Variants in EML6 observed in about 807,000 individuals in gnomAD.
EML6 encodes the protein echinoderm microtubule-associated protein-like 6.
Under a neutral mutation model 240.1 loss-of-function variants are expected in EML6, and 154 were observed. That is an observed-to-expected ratio of 0.64 (90% confidence interval 0.56 to 0.73). The LOEUF is 0.73. EML6 is among the 30% of genes least tolerant of loss of function. EML6 has a pLI of 0.00. For missense variants in EML6, 2,964 were observed against 2,474.6 expected (o/e 1.20, Z -4.20); for synonymous variants, 1,148 against 899.0 (o/e 1.28, Z -4.95).
chr2:54,809,885 C>T (rs1174742340), intron 2 of EML6, among the ~76,000 whole-genome samples: 1 of 152,106 alleles, frequency 6.6e-6, no homozygotes, highest in Middle Eastern at 3.2e-3. Flanking sequence ...ACATGGATGC[C>T]ATTTGGCTGT....
chr2:54,910,807 A>T, intron 24 of EML6, 147 bp from the exon 25 acceptor site: 1 of 539,506 alleles, frequency 1.9e-6, no homozygotes. Context: ...TTGGCTGTAC[A>T]TGCCCTTCTG....
intron 2 of EML6, among the ~76,000 whole-genome samples, chr2:54,750,979 G>A (rs1175721634): frequency 1.3e-5 from 2 of 152,118 alleles, no homozygotes; most frequent in African/African-American, 4.8e-5. Context: ...AAGAAATGTT[G>A]AGCTTACTAA....
intron 7 of EML6, among the ~76,000 whole-genome samples, 169 bp from the exon 8 acceptor site, chr2:54,843,878 G>A (rs940447701): frequency 2.0e-5 from 3 of 150,282 alleles, no homozygotes; most frequent in Non-Finnish European, 4.4e-5. Context: ...AAAGAATGGT[G>A]GCAGAGTTGA....
intron 16 of EML6, among the ~76,000 whole-genome samples, chr2:54,872,705 T>C (rs1445730503): frequency 6.6e-6 from 1 of 152,226 alleles, no homozygotes; most frequent in East Asian, 1.9e-4. Context: ...TTCACATCTG[T>C]CTAACTGTGG....
chr2:54,797,186 AAAAC>A (rs1669859401), intron 2 of EML6, among the ~76,000 whole-genome samples: 1 of 149,296 alleles, frequency 6.7e-6, no homozygotes, highest in African/African-American at 2.5e-5. Context: ...AAAAAAAAAA[AAAAC>A]TGTGATCTTG....
At chr2:54,949,504 G>T (rs973059535) in intron 29 of EML6, among the ~76,000 whole-genome samples, 1 of 152,194 alleles carries the variant, frequency 6.6e-6, no homozygotes, top group Non-Finnish European at 1.5e-5. Context: ...CACCAAGCCA[G>T]TAAGTGGAAA....
At chr2:54,818,503 TCATTTTCCCCAGGATA>T (rs1030984410) in intron 4 of EML6, among the ~76,000 whole-genome samples, 38 of 152,238 alleles carry the variant, frequency 2.5e-4, no homozygotes, top group African/African-American at 8.9e-4. Context: ...GTACCTCAGT[TCATTTTCCCCAGGATA>T]CATATGCCTG....
At chr2:54,942,310 T>A (rs905898680) in intron 28 of EML6, among the ~76,000 whole-genome samples, 1 of 152,226 alleles carries the variant, frequency 6.6e-6, no homozygotes, top group Non-Finnish European at 1.5e-5. Context: ...TACTCACTTA[T>A]GGAGATAAAA....
At chr2:54,803,815 G>T (rs1382940938) in intron 2 of EML6, among the ~76,000 whole-genome samples, 1 of 152,194 alleles carries the variant, frequency 6.6e-6, no homozygotes, top group Admixed American at 6.5e-5. Flanking sequence ...TCCTCTTAGA[G>T]TGTTAGCTCC....
At chr2:54,834,121 G>A (rs1481804275) in intron 7 of EML6, among the ~76,000 whole-genome samples, 1 of 152,118 alleles carries the variant, frequency 6.6e-6, no homozygotes. Flanking sequence ...TTTTCAGGCT[G>A]GGAGACACCC....
Position 54,866,882 on chromosome 2 carries a change from C to A in EML6, c.2049C>A (p.His683Gln). 1 of 1,543,080 alleles carries A rather than the reference C, an allele frequency of 6.5e-7. No homozygotes were observed. Among genetic ancestry groups the A allele is most frequent in the Non-Finnish European group, 8.8e-7 (1 of 1,139,362 alleles). The change falls in exon 14 of 42, where the codon CAC becomes CAA. Residue 683 changes from histidine (H) to glutamine (Q), a missense_variant and splice_region_variant. Coordinates refer to ENST00000356458, the MANE Select transcript of EML6 (RefSeq NM_001039753.4). Reference sequence around the variant, plus strand: ...ACAGCTTGAAACTCCAGTTCATACACGGGTGGGTGGCCTGTCATGGGCGCC... The same window carrying A: ...ACAGCTTGAAACTCCAGTTCATACAAGGGTGGGTGGCCTGTCATGGGCGCC... The part of the protein sequence containing the change: ...PEDSLKLQFI[H>Q]GYRGYDCRNN...
chr2:54,962,427 C>T (rs1466011560), intron 35 of EML6, 96 bp from the exon 36 acceptor site: 7 of 962,288 alleles, frequency 7.3e-6, no homozygotes, highest in Non-Finnish European at 1.0e-5. Flanking sequence ...CATCATTCTA[C>T]TTTCTGTCTC....
intron 2 of EML6, among the ~76,000 whole-genome samples, chr2:54,732,651 C>G (rs1430355717): frequency 6.6e-6 from 1 of 152,006 alleles, no homozygotes; most frequent in Non-Finnish European, 1.5e-5. Context: ...GTTTGGGGAT[C>G]CAGAAATGGA....
intron 38 of EML6, among the ~76,000 whole-genome samples, chr2:54,965,913 G>A (rs1328637688): frequency 6.6e-6 from 1 of 152,198 alleles, no homozygotes; most frequent in Non-Finnish European, 1.5e-5. Flanking sequence ...TTTGGGAAAG[G>A]GCTGCTACCA....
chr2:54,764,887 G>A (rs1221817113), intron 2 of EML6, among the ~76,000 whole-genome samples: 6 of 152,254 alleles, frequency 3.9e-5, no homozygotes, highest in Middle Eastern at 3.4e-3. Context: ...TTATTCATGA[G>A]TGCTTCCATT....
chr2:54,965,511 C>T (rs557412501), intron 38 of EML6, among the ~76,000 whole-genome samples: 2 of 152,114 alleles, frequency 1.3e-5, no homozygotes, highest in African/African-American at 2.4e-5. Context: ...TGCGGGAGAC[C>T]GGAGTTTTAT....
intron 16 of EML6, among the ~76,000 whole-genome samples, chr2:54,879,059 T>C (rs1489813395): frequency 6.6e-6 from 1 of 152,246 alleles, no homozygotes; most frequent in Non-Finnish European, 1.5e-5. Context: ...TTCTATAATG[T>C]TCCTAATTTG....
intron 2 of EML6, among the ~76,000 whole-genome samples, chr2:54,750,369 A>C (rs1336817087): frequency 1.3e-5 from 2 of 152,246 alleles, no homozygotes; most frequent in Non-Finnish European, 2.9e-5. Flanking sequence ...CTGGGAAGCC[A>C]TAAAGAGCTG....
At chr2:54,742,587 C>A (rs115710570) in intron 2 of EML6, among the ~76,000 whole-genome samples, 142 of 152,274 alleles carry the variant, frequency 9.3e-4, no homozygotes, top group African/African-American at 3.3e-3. Context: ...GTTATGCAGG[C>A]GACTGGCCCC....
Sources: gnomAD v4.1 joint callset for allele counts (sites outside exome capture counted in the v4.1 genomes callset) on GRCh38, gnomAD v4.1.1 for gene constraint, MANE v1.5 for transcripts, NCBI Gene and HGNC (gene_info 2026-07-23, HGNC 2026-07-21) for gene names.